The following SLC35F4 variants were observed in gnomAD, a reference collection of about 807,000 sequenced individuals.
SLC35F4 encodes chromosome 14 open reading frame 36.
In SLC35F4, 24 loss-of-function variants were observed where a neutral mutation model predicts 44.2. That is an observed-to-expected ratio of 0.54 (90% confidence interval 0.39 to 0.76). SLC35F4 has a LOEUF of 0.76. SLC35F4 is among the 30% of genes least tolerant of loss of function. The pLI, the probability that SLC35F4 is intolerant of heterozygous loss-of-function variation, is 0.00. For missense variants in SLC35F4, 562 were observed against 586.1 expected, an observed-to-expected ratio of 0.96 and a Z score of 0.42; for synonymous variants, 238 against 223.6, an observed-to-expected ratio of 1.06 and a Z score of -0.57.
chr14:57,652,038 C>G (rs1415131996), intron 1 of SLC35F4, among the ~76,000 whole-genome samples: 1 of 152,124 alleles, frequency 6.6e-6, no homozygotes, highest in African/African-American at 2.4e-5. Context: ...GGAGGACCCC[C>G]AGGAAAGAAG....
chr14:57,672,074 GT>G (rs2074540314), intron 1 of SLC35F4, among the ~76,000 whole-genome samples: 1 of 152,076 alleles, frequency 6.6e-6, no homozygotes, highest in Non-Finnish European at 1.5e-5. Context: ...CTTCAGACAT[GT>G]GGAGTTTGGC....
At chr14:57,807,615 C>T (rs1881480439) in intron 1 of SLC35F4, among the ~76,000 whole-genome samples, 1 of 151,912 alleles carries the variant, frequency 6.6e-6, no homozygotes, top group Non-Finnish European at 1.5e-5. Context: ...GCCAAATCTA[C>T]TGACTGATTT....
intron 1 of SLC35F4, among the ~76,000 whole-genome samples, chr14:57,963,546 A>G (rs1890376975): frequency 6.6e-6 from 1 of 152,076 alleles, no homozygotes. Context: ...CACCAAACAT[A>G]AATGAACCAT....
intron 1 of SLC35F4, among the ~76,000 whole-genome samples, chr14:57,763,801 G>A (rs1475004): frequency 2.4e-4 from 37 of 151,958 alleles, no homozygotes; most frequent in African/African-American, 6.8e-4. Context: ...ATTTCTCATC[G>A]CATTTACTGC....
intron 1 of SLC35F4, among the ~76,000 whole-genome samples, chr14:57,691,827 A>ATTT (rs2075240441): frequency 9.6e-5 from 14 of 145,680 alleles, no homozygotes; most frequent in African/African-American, 3.4e-4. Flanking sequence ...AATGTGACAG[A>ATTT]CTTAGATGAA....
chr14:57,714,081 G>T (rs544098786), intron 1 of SLC35F4, among the ~76,000 whole-genome samples: 2 of 152,274 alleles, frequency 1.3e-5, no homozygotes, highest in East Asian at 1.9e-4. Context: ...TATATGACAT[G>T]ACATTTATTG....
At chr14:57,946,674 C>T (rs2141077148) in intron 1 of SLC35F4, among the ~76,000 whole-genome samples, 1 of 151,896 alleles carries the variant, frequency 6.6e-6, no homozygotes, top group African/African-American at 2.4e-5. Flanking sequence ...TAGGGTTTCA[C>T]CATGTTGGCC....
At chr14:57,630,223 C>T (rs1262651965) in intron 1 of SLC35F4, 3 of 560,236 alleles carry the variant, frequency 5.4e-6, no homozygotes, top group Admixed American at 2.0e-5. Flanking sequence ...TACAGTTCTT[C>T]ATGCTATGAT....
At chr14:57,607,542 T>C (rs1043210637) in intron 1 of SLC35F4, among the ~76,000 whole-genome samples, 2 of 152,204 alleles carry the variant, frequency 1.3e-5, no homozygotes, top group African/African-American at 4.8e-5. Context: ...TCCACACTCA[T>C]AGAAGCCTCT....
intron 1 of SLC35F4, among the ~76,000 whole-genome samples, chr14:57,887,986 G>A (rs1277440098): frequency 1.3e-5 from 2 of 152,158 alleles, no homozygotes; most frequent in East Asian, 3.9e-4. Flanking sequence ...TGCTGATGGT[G>A]CAGATTTATT....
chr14:57,738,882 C>A (rs1354950057), intron 1 of SLC35F4, among the ~76,000 whole-genome samples: 4 of 148,844 alleles, frequency 2.7e-5, no homozygotes, highest in South Asian at 4.2e-4. Context: ...ATATATATAT[C>A]TCCATCCTAC....
At chr14:57,942,434 T>C (rs967041596) in intron 1 of SLC35F4, among the ~76,000 whole-genome samples, 1 of 152,222 alleles carries the variant, frequency 6.6e-6, no homozygotes, top group Non-Finnish European at 1.5e-5. Context: ...CTTTCTTTAT[T>C]GCCCATCCTA....
chr14:57,624,935 C>G (rs927411230), intron 1 of SLC35F4, among the ~76,000 whole-genome samples: 7 of 152,154 alleles, frequency 4.6e-5, no homozygotes, highest in Admixed American at 2.6e-4. Context: ...ATTCAACATA[C>G]TATTGGAAGT....
In SLC35F4 at chr14:57,865,965, G is replaced by GGCGCAGCACCGGCT; in HGVS notation, c.-154_-141dup. 2.2e-6 allele frequency: 1 copy of GGCGCAGCACCGGCT among 461,316 alleles called. No homozygotes were observed. The highest frequency in any genetic ancestry group is 3.6e-6 in the Non-Finnish European group (1 of 277,210). 28.6% of individuals were successfully genotyped at this position (461,316 alleles called of 1,614,324 possible). A position where few individuals can be genotyped will look rare whatever the true frequency, so the allele number is the denominator to read the frequency against. On this transcript the variant is annotated 5_prime_UTR_variant, in exon 1 of 8. Transcript: ENST00000556826. ...CGCCCGGGCTCTGACTCCACCGCCC[G>GGCGCAGCACCGGCT]GCGCAGCACCGGCTCCGCATCACAG...
At chr14:57,750,186 A>G (rs1456914014) in intron 1 of SLC35F4, among the ~76,000 whole-genome samples, 1 of 152,022 alleles carries the variant, frequency 6.6e-6, no homozygotes, top group African/African-American at 2.4e-5. Context: ...AATGATGTCC[A>G]TTTCCATCCA....
intron 1 of SLC35F4, among the ~76,000 whole-genome samples, chr14:57,635,055 A>G (rs763258358): frequency 6.6e-5 from 10 of 151,912 alleles, no homozygotes; most frequent in Non-Finnish European, 1.3e-4. Context: ...TTCAAGACAA[A>G]CCTGGGCATC....
intron 1 of SLC35F4, among the ~76,000 whole-genome samples, chr14:57,885,161 T>A (rs976256845): frequency 1.3e-5 from 2 of 152,134 alleles, no homozygotes. Flanking sequence ...TGTATGAAAA[T>A]CCATATTGTA....
chr14:57,653,744 G>T (rs1744618792), intron 1 of SLC35F4, among the ~76,000 whole-genome samples: 1 of 152,206 alleles, frequency 6.6e-6, no homozygotes, highest in African/African-American at 2.4e-5. Flanking sequence ...TGCAGAGGTG[G>T]CCGCCTTATC....
intron 1 of SLC35F4, among the ~76,000 whole-genome samples, chr14:57,940,504 G>C (rs1384386146): frequency 6.6e-6 from 1 of 152,076 alleles, no homozygotes; most frequent in African/African-American, 2.4e-5. Flanking sequence ...AAAATTAGCT[G>C]TTCACTAATG....
Sources: allele counts gnomAD v4.1 joint callset (sites outside exome capture counted in the v4.1 genomes callset), GRCh38; gene constraint gnomAD v4.1.1; transcripts MANE v1.5; gene names NCBI Gene and HGNC (gene_info 2026-07-23, HGNC 2026-07-21).